The following ITPRID1 variants were observed in gnomAD, a reference collection of about 807,000 sequenced individuals.
ITPRID1 encodes ITPR interacting domain containing 1.
A neutral mutation model predicts 95.4 loss-of-function variants in ITPRID1; 96 were observed. That is an observed-to-expected ratio of 1.01 (90% CI 0.85 to 1.19). The LOEUF is 1.19. ITPRID1 is among the 50% of genes most tolerant of loss of function. ITPRID1 has a pLI of 0.00. For synonymous variants in ITPRID1, 510 were observed against 453.6 expected (o/e 1.12, Z -1.58); for missense variants, 1,339 against 1,252.9 (o/e 1.07, Z -1.04).
chr7:31,640,594 C>T (rs1394614819), intron 10 of ITPRID1, among the ~76,000 whole-genome samples: 4 of 152,040 alleles, frequency 2.6e-5, no homozygotes, highest in African/African-American at 7.3e-5. Context: ...GTTCCTGTTT[C>T]TCAAGGACTG....
chr7:31,532,676 T>C (rs757452531), intron 1 of ITPRID1, among the ~76,000 whole-genome samples: 2 of 152,210 alleles, frequency 1.3e-5, no homozygotes, highest in Non-Finnish European at 2.9e-5. Flanking sequence ...TGTTTAATGC[T>C]TTATGAGAAA....
chr7:31,622,372 G>A (rs923757906), intron 10 of ITPRID1, among the ~76,000 whole-genome samples: 1 of 152,026 alleles, frequency 6.6e-6, no homozygotes, highest in African/African-American at 2.4e-5. Flanking sequence ...GCTCTCCTCA[G>A]CAAATGTAAA....
intron 1 of ITPRID1, among the ~76,000 whole-genome samples, chr7:31,546,570 C>T (rs1784106105): frequency 6.6e-6 from 1 of 152,140 alleles, no homozygotes; most frequent in African/African-American, 2.4e-5. Context: ...AGTTGTCTAA[C>T]TGCTAAATAT....
In ITPRID1 at chr7:31,643,400, TGAA is replaced by T. The variant is rs1461200744; in HGVS notation, c.2032_2034del (p.Lys678del). ...AAACTGCCTGGAGATCCTGCCCAGG[TGAA>T]GTCAAGGTCTGGTACTTTGGGTCAG... On this transcript the variant is annotated inframe_deletion, in exon 12 of 15. Coordinates refer to ENST00000615280, the MANE Select transcript of ITPRID1 (RefSeq NM_001257967.3). 6.2e-7 allele frequency: 1 copy of T among 1,613,934 alleles called. No homozygotes were observed. Among genetic ancestry groups the T allele is most frequent in the South Asian group, 1.1e-5 (1 of 91,080 alleles).
intron 8 of ITPRID1, among the ~76,000 whole-genome samples, chr7:31,576,671 G>T (rs1287943386): frequency 6.6e-6 from 1 of 152,140 alleles, no homozygotes; most frequent in Admixed American, 6.5e-5. Context: ...AGGATGATTA[G>T]TCAATACTAC....
intron 4 of ITPRID1, 95 bp downstream of exon 4, chr7:31,554,618 T>C: frequency 6.9e-7 from 1 of 1,453,796 alleles, no homozygotes; most frequent in Non-Finnish European, 9.4e-7. Flanking sequence ...GTCGGGGAAG[T>C]GTAGGGATTT....
chr7:31,635,550 T>A (rs1032457295), intron 10 of ITPRID1, among the ~76,000 whole-genome samples: 1 of 152,224 alleles, frequency 6.6e-6, no homozygotes, highest in Non-Finnish European at 1.5e-5. Context: ...GTACAGTTAA[T>A]GAAAGGCAAC....
chr7:31,651,101 CA>C (rs1562660746), intron 12 of ITPRID1, 40 bp from the exon 13 acceptor site: 9 of 1,597,560 alleles, frequency 5.6e-6, no homozygotes, highest in Non-Finnish European at 6.8e-6. Context: ...TGCAGAGGAT[CA>C]GAGAGGACTT....
Position 31,554,719 on chromosome 7 carries a change from G to C in ITPRID1, c.213-139G>C. The C allele has an allele frequency of 7.2e-6, 7 of 974,952 alleles. No homozygotes were observed. In the South Asian group the frequency reaches 1.2e-4, roughly 16 times the overall value. 60.4% of individuals were successfully genotyped at this position (974,952 alleles called of 1,614,324 possible). Reference sequence around the variant, plus strand: ...AAAATAAAATACTACTCTAGTCCCTGACTGTTTATTGGTTTCTAAAAGTCC... The same window carrying C: ...AAAATAAAATACTACTCTAGTCCCTCACTGTTTATTGGTTTCTAAAAGTCC... On this transcript the variant is annotated intron_variant, in intron 4 of 14. Coordinates refer to ENST00000615280, the MANE Select transcript of ITPRID1 (RefSeq NM_001257967.3).
intron 10 of ITPRID1, among the ~76,000 whole-genome samples, chr7:31,606,130 A>G (rs1255906986): frequency 6.6e-6 from 1 of 152,238 alleles, no homozygotes; most frequent in Non-Finnish European, 1.5e-5. Context: ...TGTGTTTATC[A>G]TAATGATTCT....
intron 1 of ITPRID1, among the ~76,000 whole-genome samples, chr7:31,539,820 G>A (rs1318930888): frequency 6.6e-6 from 1 of 151,984 alleles, no homozygotes; most frequent in African/African-American, 2.4e-5. Context: ...GCACTGGAAT[G>A]TCTCTGGTTG....
At chr7:31,594,882 G>A (rs1786017686) in intron 10 of ITPRID1, among the ~76,000 whole-genome samples, 2 of 151,658 alleles carry the variant, frequency 1.3e-5, no homozygotes, top group Admixed American at 6.6e-5. Context: ...AAAAGGGGGA[G>A]CTTTTAATAT....
At chr7:31,579,211 A>G (rs527538212) in intron 9 of ITPRID1, among the ~76,000 whole-genome samples, 15 of 152,210 alleles carry the variant, frequency 9.9e-5, no homozygotes, top group African/African-American at 3.4e-4. Context: ...ATACGTATAC[A>G]TGTCCACTCA....
At chr7:31,532,131 A>G (rs1055455941) in intron 1 of ITPRID1, among the ~76,000 whole-genome samples, 1 of 151,992 alleles carries the variant, frequency 6.6e-6, no homozygotes, top group African/African-American at 2.4e-5. Context: ...TATATATACA[A>G]TTTTATAACA....
chr7:31,633,022 G>C lies in ITPRID1; in HGVS notation c.1229-9154G>C, dbSNP rs12665906. ...CTGCCTCAGCCTCCCGAGTAACTGG[G>C]ATTACAGGTGGGCACCATCATGCCC... On this transcript the variant is annotated intron_variant, in intron 10 of 14. Coordinates refer to ENST00000615280, the MANE Select transcript of ITPRID1 (RefSeq NM_001257967.3). 8.1e-4 allele frequency among the ~76,000 whole-genome samples: 123 copies of C among 152,194 alleles called. 1 individual carries two copies. In the East Asian group the frequency reaches 0.019, roughly 24 times the overall value.
At position 31,655,966 on chromosome 7, in the gene ITPRID1, C is replaced by G. The variant is rs1275058897; in HGVS notation, c.*3137C>G. The G allele has an allele frequency of 1.0e-6, 1 of 985,348 alleles. No individual in the cohort carries two copies. Among genetic ancestry groups the G allele is most frequent in the Non-Finnish European group, 1.2e-6 (1 of 829,954 alleles). 61.0% of individuals were successfully genotyped at this position (985,348 alleles called of 1,614,324 possible). A position where few individuals can be genotyped will look rare whatever the true frequency, so the allele number is the denominator to read the frequency against. On this transcript the variant is annotated 3_prime_UTR_variant, in exon 15 of 15. Transcript: ENST00000615280. ...TCATCCCTCAGATGAATCTCCAATT[C>G]TATTCCCCTAAACCACCTCCTGTGT...
intron 10 of ITPRID1, among the ~76,000 whole-genome samples, chr7:31,585,306 C>T (rs116147093): frequency 0.021 from 3,225 of 152,174 alleles, 110 homozygotes; most frequent in African/African-American, 0.072. Context: ...TGCTCATGGG[C>T]AATACTCTGC....
chr7:31,632,709 A>G (rs1472103799), intron 10 of ITPRID1, among the ~76,000 whole-genome samples: 1 of 152,128 alleles, frequency 6.6e-6, no homozygotes, highest in Non-Finnish European at 1.5e-5. Context: ...CCTCGTTTCC[A>G]TGTTGGTCAG....
chr7:31,617,858 AAG>A (rs1491515103), intron 10 of ITPRID1, among the ~76,000 whole-genome samples: 2 of 152,228 alleles, frequency 1.3e-5, no homozygotes, highest in African/African-American at 4.8e-5. Context: ...ACCTATTAAG[AAG>A]AGAGTTACTT....
Sources: allele counts gnomAD v4.1 joint callset (sites outside exome capture counted in the v4.1 genomes callset), GRCh38; gene constraint gnomAD v4.1.1; transcripts MANE v1.5; gene names NCBI Gene and HGNC (gene_info 2026-07-23, HGNC 2026-07-21).